TMEM219: variants seen among roughly 807,000 people sequenced by gnomAD.
TMEM219 encodes the protein insulin-like growth factor-binding protein 3 receptor.
Under a neutral mutation model 17.9 loss-of-function variants are expected in TMEM219, and 18 were observed. The ratio of observed to expected loss-of-function variants is 1.01; its 90% confidence interval spans 0.70 to 1.49. The LOEUF (loss-of-function observed/expected upper bound fraction) is 1.49. TMEM219 is among the 40% of genes most tolerant of loss of function. TMEM219 has a pLI of 0.00. For missense variants in TMEM219, 288 were observed against 292.4 expected, an observed-to-expected ratio of 0.99 and a Z score of 0.11; for synonymous variants, 113 against 124.0, an observed-to-expected ratio of 0.91 and a Z score of 0.59.
chr16:29,967,763 T>TA (rs1021615605), intron 3 of TMEM219, among the ~76,000 whole-genome samples: 1 of 151,882 alleles, frequency 6.6e-6, no homozygotes, highest in Non-Finnish European at 1.5e-5. Flanking sequence ...CCGTCTCTAC[T>TA]AAAAATACAA....
At chr16:29,963,672 C>CA in intron 3 of TMEM219, 83 bp downstream of exon 3, 1 of 1,333,004 alleles carries the variant, frequency 7.5e-7, no homozygotes, top group African/African-American at 1.5e-5. Context: ...CATTTGAGGT[C>CA]AGGAGTTCAA....
At chr16:29,969,737 AG>A (rs1423989300) in intron 4 of TMEM219, among the ~76,000 whole-genome samples, 1 of 152,154 alleles carries the variant, frequency 6.6e-6, no homozygotes, top group Non-Finnish European at 1.5e-5. Context: ...TGAGAGGCTT[AG>A]GAAGGAGAAA....
intron 1 of TMEM219, chr16:29,962,894 C>T (rs978702465): frequency 3.7e-6 from 2 of 541,836 alleles, no homozygotes; most frequent in African/African-American, 1.9e-5. Flanking sequence ...GTACACTGCT[C>T]TGCCTCCACT....
intron 4 of TMEM219, among the ~76,000 whole-genome samples, chr16:29,969,332 G>A (rs919086216): frequency 2.0e-5 from 3 of 151,432 alleles, no homozygotes; most frequent in Non-Finnish European, 4.4e-5. Context: ...GAGTAGCTGG[G>A]ACTACAGGCG....
Position 29,968,208 on chromosome 16 carries a change from G to A in TMEM219, c.539G>A (p.Ser180Asn). The A allele has an allele frequency of 6.2e-7, 1 of 1,614,214 alleles. No homozygotes were observed. Among genetic ancestry groups the A allele is most frequent in the South Asian group, 1.1e-5 (1 of 91,086 alleles). ...CCTAGAATGGGTGAGGAATGTGTTAGTGTCTGGAGCCATGAAGGCCTTGTG... is the reference window on the plus strand; with the variant it reads ...CCTAGAATGGGTGAGGAATGTGTTAATGTCTGGAGCCATGAAGGCCTTGTG... ...LSPRMGEECV[S>N]VWSHEGLVLT... Residue 180 changes from serine (S) to asparagine (N), a missense_variant, in exon 4 of 6, where the codon AGT (serine) becomes AAT (asparagine). Transcript: ENST00000279396.
chr16:29,968,338 C>T (rs2069241582), intron 4 of TMEM219, 84 bp downstream of exon 4: 3 of 1,185,748 alleles, frequency 2.5e-6, no homozygotes, highest in Non-Finnish European at 3.7e-6. Context: ...ACAATTCTAC[C>T]TTGTAGAAAA....
At chr16:29,966,922 T>C (rs2069219955) in intron 3 of TMEM219, among the ~76,000 whole-genome samples, 1 of 152,222 alleles carries the variant, frequency 6.6e-6, no homozygotes, top group African/African-American at 2.4e-5. Context: ...TGAACTTTAT[T>C]TTATAAGATA....
intron 5 of TMEM219, 137 bp downstream of exon 5, chr16:29,971,715 C>A: frequency 3.9e-6 from 3 of 778,622 alleles, no homozygotes; most frequent in Non-Finnish European, 6.0e-6. Flanking sequence ...TCAACCACAG[C>A]TCTCCCTTAG....
chr16:29,966,708 C>T (rs2069216956), intron 3 of TMEM219, among the ~76,000 whole-genome samples: 1 of 152,078 alleles, frequency 6.6e-6, no homozygotes, highest in South Asian at 2.1e-4. Flanking sequence ...CCCAGCTACT[C>T]ACAAGGCTGA....
chr16:29,969,442 A>ACCTCAGC (rs1196108464), intron 4 of TMEM219, among the ~76,000 whole-genome samples: 1 of 151,626 alleles, frequency 6.6e-6, no homozygotes, highest in Non-Finnish European at 1.5e-5. Context: ...TGATCCACCC[A>ACCTCAGC]CCTCAGCCTC....
rs749612358 is a variant in TMEM219 at position 29,963,543 on chromosome 16, C to G, written c.309C>G (p.Thr103=). ...NFGDGPDRNK[T]RTFQATVLGS... ...GAGACGGTCCAGACAGGAACAAGAC[C>G]CGGACATTCCAGGCCACAGTCCTGG... The change falls in exon 3 of 6, where the codon ACC becomes ACG. Residue 103 remains threonine (T), a synonymous_variant. Coordinates refer to ENST00000279396, the MANE Select transcript of TMEM219 (RefSeq NM_001083613.2). 1.2e-6 allele frequency: 2 copies of G among 1,614,004 alleles called. No individual in the cohort carries two copies. The highest frequency in any genetic ancestry group is 1.6e-4 in the Middle Eastern group (1 of 6,062).
chr16:29,967,025 A>G (rs1384199599), intron 3 of TMEM219, among the ~76,000 whole-genome samples: 1 of 152,156 alleles, frequency 6.6e-6, no homozygotes, highest in Non-Finnish European at 1.5e-5. Context: ...ATAGGGTGAG[A>G]ACCTTTTAAT....
At chr16:29,965,915 T>C (rs957980830) in intron 3 of TMEM219, among the ~76,000 whole-genome samples, 1 of 152,164 alleles carries the variant, frequency 6.6e-6, no homozygotes, top group African/African-American at 2.4e-5. Flanking sequence ...TTTTGTATTT[T>C]TAGTAGAGAT....
chr16:29,963,132 C>A lies in TMEM219; in HGVS notation c.-12C>A. On this transcript the variant is annotated 5_prime_UTR_variant, in exon 2 of 6. Coordinates refer to ENST00000279396, the MANE Select transcript of TMEM219 (RefSeq NM_001083613.2). ...CAGGCTCTCCCCGGAGGCTCAGCCCCCTCTGCTCCCCATGGGCAACTGCCA... is the reference window on the plus strand; with the variant it reads ...CAGGCTCTCCCCGGAGGCTCAGCCCACTCTGCTCCCCATGGGCAACTGCCA... 1 of 1,610,008 alleles carries A rather than the reference C, an allele frequency of 6.2e-7. No individual in the cohort carries two copies. The highest frequency in any genetic ancestry group is 1.3e-5 in the African/African-American group (1 of 75,062).
intron 5 of TMEM219, among the ~76,000 whole-genome samples, 174 bp from the exon 6 acceptor site, chr16:29,972,776 T>TAGGA (rs1358864775): frequency 6.6e-6 from 1 of 152,232 alleles, no homozygotes; most frequent in African/African-American, 2.4e-5. Flanking sequence ...AAAGGAGGGC[T>TAGGA]TCCTGGCCCC....
intron 4 of TMEM219, among the ~76,000 whole-genome samples, chr16:29,969,890 A>G (rs1440427783): frequency 6.6e-6 from 1 of 152,032 alleles, no homozygotes; most frequent in Non-Finnish European, 1.5e-5. Flanking sequence ...TGGGTGGAGA[A>G]TGGCTGAGTG....
In TMEM219 at chr16:29,967,908, T is replaced by C. The variant is rs546532488; in HGVS notation, c.356-117T>C. 5.3e-4 allele frequency: 408 copies of C among 766,930 alleles called. 4 individuals are homozygous for C. The East Asian group carries it at 8.3e-3, about 16-fold the overall frequency. 47.5% of individuals were successfully genotyped at this position (766,930 alleles called of 1,614,324 possible). ...CGCCACTGCACTCCAGCCTGGGTGATAGAGCGAGACTCCGCCTCAAAAAAA... is the reference window on the plus strand; with the variant it reads ...CGCCACTGCACTCCAGCCTGGGTGACAGAGCGAGACTCCGCCTCAAAAAAA... On this transcript the variant is annotated intron_variant, in intron 3 of 5. Coordinates refer to ENST00000279396, the MANE Select transcript of TMEM219 (RefSeq NM_001083613.2).
At chr16:29,971,369 A>C (rs1262467448) in intron 4 of TMEM219, 39 bp from the exon 5 acceptor site, 1 of 1,613,208 alleles carries the variant, frequency 6.2e-7, no homozygotes, top group South Asian at 1.1e-5. Flanking sequence ...GGACTGGATT[A>C]ACATGTCCTC....
At position 29,968,054 on chromosome 16, in the gene TMEM219, A is replaced by T; in HGVS notation, c.385A>T (p.Thr129Ser). ...GSSAGQLVLITARVTTERTAG... is the reference protein window; with the variant it reads ...GSSAGQLVLISARVTTERTAG... ...TTCTGCAGGACAACTGGTCCTTATC[A>T]CAGCCAGGGTGACCACAGAAAGGAC... Residue 129 changes from threonine to serine, a missense_variant, in exon 4 of 6, where the codon ACA becomes TCA. Transcript: ENST00000279396. 6.2e-7 allele frequency: 1 copy of T among 1,614,072 alleles called. No individual in the cohort carries two copies. Among genetic ancestry groups the T allele is most frequent in the Non-Finnish European group, 8.5e-7 (1 of 1,179,982 alleles).
Sources: gnomAD v4.1 joint callset for allele counts (sites outside exome capture counted in the v4.1 genomes callset) on GRCh38, gnomAD v4.1.1 for gene constraint, MANE v1.5 for transcripts, NCBI Gene and HGNC (gene_info 2026-07-23, HGNC 2026-07-21) for gene names.